GPATCH2L: variants seen among roughly 807,000 people sequenced by gnomAD.
GPATCH2L encodes the protein G patch domain-containing protein 2-like.
In GPATCH2L, 31 loss-of-function variants were observed where a neutral mutation model predicts 57.4. The observed-to-expected ratio is 0.54, with a 90% CI of 0.41 to 0.73. GPATCH2L has a LOEUF of 0.73. Among genes scored for constraint, GPATCH2L ranks in the 30% least tolerant of loss-of-function variants. The probability of loss-of-function intolerance (pLI) is 0.00; values close to 1 mark genes in which losing one functional copy is unlikely to be tolerated. For synonymous variants in GPATCH2L, 199 were observed against 210.7 expected, an observed-to-expected ratio of 0.94 and a Z score of 0.48; for missense variants, 481 against 599.9, an observed-to-expected ratio of 0.80 and a Z score of 2.07.
At chr14:76,177,107 A>C (rs1024355311) in intron 6 of GPATCH2L, among the ~76,000 whole-genome samples, 2 of 152,050 alleles carry the variant, frequency 1.3e-5, no homozygotes, top group East Asian at 3.9e-4. Context: ...GTGCAGTGGC[A>C]GAGTCATGGC....
intron 2 of GPATCH2L, among the ~76,000 whole-genome samples, chr14:76,164,969 A>C (rs2038762354): frequency 6.6e-6 from 1 of 152,172 alleles, no homozygotes; most frequent in African/African-American, 2.4e-5. Flanking sequence ...AAAACAAGGA[A>C]AGCAAAATGT....
intron 1 of GPATCH2L, among the ~76,000 whole-genome samples, chr14:76,229,204 G>A (rs1405410949): frequency 1.3e-5 from 2 of 152,218 alleles, no homozygotes; most frequent in Non-Finnish European, 2.9e-5. Flanking sequence ...TAGGAGTGGC[G>A]TGAGTGAACT....
At chr14:76,174,588 A>G (rs191547780) in intron 5 of GPATCH2L, 3 of 152,236 alleles carry the variant, frequency 2.0e-5, no homozygotes, top group African/African-American at 7.2e-5. Flanking sequence ...TTATTTCCAG[A>G]CGAGCCCAAG....
chr14:76,198,940 G>A (rs2040235952), intron 9 of GPATCH2L, among the ~76,000 whole-genome samples: 1 of 152,286 alleles, frequency 6.6e-6, no homozygotes, highest in Non-Finnish European at 1.5e-5. Context: ...TAACCACATG[G>A]TTGGATTCAG....
At chr14:76,169,408 T>C (rs989528502) in intron 3 of GPATCH2L, among the ~76,000 whole-genome samples, 8 of 152,212 alleles carry the variant, frequency 5.3e-5, no homozygotes, top group Non-Finnish European at 7.3e-5. Flanking sequence ...CTCCTTTTTT[T>C]CCCCCAAACA....
chr14:76,201,870 C>A lies in GPATCH2L; in HGVS notation c.*19C>A. 2 of 1,605,752 alleles carry A rather than the reference C, an allele frequency of 1.2e-6. No homozygotes were observed. The highest frequency in any genetic ancestry group is 1.7e-6 in the Non-Finnish European group (2 of 1,176,070). On this transcript the variant is annotated 3_prime_UTR_variant, in exon 10 of 10. Transcript: ENST00000261530. ...CAGCTAGAGAGCAGGACTTCACCCT[C>A]CAGGAGCTGACTGGGTGTTGCTGAA... is the stretch of plus-strand genomic sequence containing the variant.
At chr14:76,180,719 C>T (rs150354017) in intron 7 of GPATCH2L, 45 bp from the exon 8 acceptor site, 14 of 1,233,278 alleles carry the variant, frequency 1.1e-5, no homozygotes, top group South Asian at 4.8e-5. Flanking sequence ...GGATCAGGTC[C>T]GTTTCATGTA....
At chr14:76,223,724 T>G (rs559229985) in intron 1 of GPATCH2L, among the ~76,000 whole-genome samples, 1 of 152,170 alleles carries the variant, frequency 6.6e-6, no homozygotes, top group Non-Finnish European at 1.5e-5. Flanking sequence ...AGAACTCTTA[T>G]GACTCAACAA....
chr14:76,207,957 A>G lies in GPATCH2L; in HGVS notation c.*6106A>G, dbSNP rs1232880619. 2.0e-5 allele frequency: 3 copies of G among 152,182 alleles called. No individual in the cohort carries two copies. Among genetic ancestry groups the G allele is most frequent in the Non-Finnish European group, 4.4e-5 (3 of 68,032 alleles). The allele number at this position is 152,182 out of a possible 1,614,324, so 9.4% of individuals were successfully genotyped here. On this transcript the variant is annotated 3_prime_UTR_variant, in exon 10 of 10. Coordinates refer to ENST00000261530, the MANE Select transcript of GPATCH2L (RefSeq NM_017926.4). Reference sequence around the variant, plus strand: ...AGCTAAAGAGTTCATTGTGTTTGCAAAGGTGTACTAGGAGTTCTCATTTCC... The same window carrying G: ...AGCTAAAGAGTTCATTGTGTTTGCAGAGGTGTACTAGGAGTTCTCATTTCC...
chr14:76,159,274 A>G (rs2038458667), intron 2 of GPATCH2L, among the ~76,000 whole-genome samples: 1 of 152,218 alleles, frequency 6.6e-6, no homozygotes, highest in Admixed American at 6.5e-5. Context: ...TCAACTGCCC[A>G]CTTGAATTCT....
intron 8 of GPATCH2L, among the ~76,000 whole-genome samples, chr14:76,191,597 T>G (rs967172566): frequency 5.3e-5 from 8 of 152,146 alleles, no homozygotes; most frequent in Non-Finnish European, 1.2e-4. Context: ...CCAACTTCCT[T>G]CTTTTCCCCA....
At chr14:76,153,018 T>TGG (rs1204274228) in intron 1 of GPATCH2L, 1 of 334,854 alleles carries the variant, frequency 3.0e-6, no homozygotes, top group Admixed American at 4.4e-5. Context: ...AACTTGGTCT[T>TGG]GTTTAAATGT....
chr14:76,226,327 G>A (rs556455559), intron 1 of GPATCH2L, among the ~76,000 whole-genome samples: 145 of 152,286 alleles, frequency 9.5e-4, no homozygotes, highest in Non-Finnish European at 1.2e-3. Context: ...GAATTACAGC[G>A]CTGAGCAAAA....
intron 1 of GPATCH2L, among the ~76,000 whole-genome samples, chr14:76,223,008 C>G (rs772399204): frequency 1.6e-4 from 24 of 151,642 alleles, no homozygotes; most frequent in Non-Finnish European, 3.2e-4. Context: ...CTATAACTTT[C>G]CCACAAAAAA....
At chr14:76,163,109 G>C (rs2038672442) in intron 2 of GPATCH2L, among the ~76,000 whole-genome samples, 1 of 152,164 alleles carries the variant, frequency 6.6e-6, no homozygotes, top group Admixed American at 6.5e-5. Context: ...GTGTTGTAGT[G>C]GCCCTTCAGT....
At chr14:76,182,363 G>GAA (rs3059799) in intron 8 of GPATCH2L, among the ~76,000 whole-genome samples, 51,101 of 85,600 alleles carry the variant, frequency 0.6, 14,901 homozygotes, top group South Asian at 0.68. Flanking sequence ...TCTCAGAAAA[G>GAA]AAAAAAAAAA....
chr14:76,216,983 A>G (rs895327377), downstream of GPATCH2L, among the ~76,000 whole-genome samples: 1 of 152,234 alleles, frequency 6.6e-6, no homozygotes, highest in African/African-American at 2.4e-5. Flanking sequence ...ATATAGCTAC[A>G]TATAAATATA....
intron 3 of GPATCH2L, among the ~76,000 whole-genome samples, chr14:76,168,816 T>C (rs1365764168): frequency 6.6e-6 from 1 of 152,244 alleles, no homozygotes; most frequent in Non-Finnish European, 1.5e-5. Flanking sequence ...GATTCTGCTA[T>C]AGAGAGTACT....
At chr14:76,201,288 A>G (rs2040304598) in intron 9 of GPATCH2L, among the ~76,000 whole-genome samples, 1 of 152,164 alleles carries the variant, frequency 6.6e-6, no homozygotes, top group Non-Finnish European at 1.5e-5. Flanking sequence ...TGATCTCTGT[A>G]TACCTTAGCT....
Sources: gnomAD v4.1 joint callset for allele counts (sites outside exome capture counted in the v4.1 genomes callset) on GRCh38, gnomAD v4.1.1 for gene constraint, MANE v1.5 for transcripts, NCBI Gene and HGNC (gene_info 2026-07-23, HGNC 2026-07-21) for gene names.